Variants in SGMS1 observed in about 807,000 individuals in gnomAD.
SGMS1 encodes the protein phosphatidylcholine:ceramide cholinephosphotransferase 1.
In SGMS1, 13 loss-of-function variants were observed where a neutral mutation model predicts 46.2. That is an observed-to-expected ratio of 0.28 (90% confidence interval 0.18 to 0.45). The LOEUF (loss-of-function observed/expected upper bound fraction) is 0.45, where lower values mean the gene tolerates loss of function less well. Ranked by LOEUF, SGMS1 falls within the 20% of genes least tolerant of loss-of-function variation. The pLI is 1.00. For synonymous variants in SGMS1, 203 were observed against 187.8 expected (o/e 1.08, Z -0.66); for missense variants, 324 against 519.9 (o/e 0.62, Z 3.66).
At chr10:50,472,904 G>A (rs1384916449) in intron 3 of SGMS1, 2 of 152,074 alleles carry the variant, frequency 1.3e-5, no homozygotes, top group Admixed American at 6.6e-5. Context: ...GCAGTTCCCT[G>A]TAATGCCCTT....
At chr10:50,423,621 T>G (rs1281038249) in intron 6 of SGMS1, among the ~76,000 whole-genome samples, 2 of 150,104 alleles carry the variant, frequency 1.3e-5, no homozygotes, top group Non-Finnish European at 3.0e-5. Context: ...GAACTCTTCT[T>G]AGACAAGGTG....
intron 2 of SGMS1, among the ~76,000 whole-genome samples, chr10:50,553,125 C>A (rs1050701302): frequency 6.6e-6 from 1 of 152,186 alleles, no homozygotes; most frequent in African/African-American, 2.4e-5. Context: ...TATGCCGACA[C>A]TAAATATTCT....
chr10:50,544,493 AT>A (rs1376381625), intron 2 of SGMS1, among the ~76,000 whole-genome samples: 1 of 152,188 alleles, frequency 6.6e-6, no homozygotes, highest in Non-Finnish European at 1.5e-5. Context: ...TCTCACTCAG[AT>A]TTTCAGCTGC....
chr10:50,555,787 A>G (rs1838185152), intron 2 of SGMS1, among the ~76,000 whole-genome samples: 2 of 152,228 alleles, frequency 1.3e-5, no homozygotes, highest in East Asian at 1.9e-4. Flanking sequence ...CTTGACCTCA[A>G]ACTAAAATCA....
intron 2 of SGMS1, among the ~76,000 whole-genome samples, chr10:50,541,709 G>C (rs1046127092): frequency 2.0e-5 from 3 of 152,204 alleles, no homozygotes; most frequent in African/African-American, 7.2e-5. Context: ...CCCACTCTGG[G>C]AGATGTTTGG....
chr10:50,312,036 G>A (rs941894351), intron 8 of SGMS1, among the ~76,000 whole-genome samples: 10 of 152,166 alleles, frequency 6.6e-5, no homozygotes, highest in East Asian at 3.9e-4. Flanking sequence ...GCTGGACACC[G>A]GAGTAATAAA....
At chr10:50,487,877 A>C (rs909742972) in intron 3 of SGMS1, among the ~76,000 whole-genome samples, 4 of 152,042 alleles carry the variant, frequency 2.6e-5, no homozygotes, top group African/African-American at 9.7e-5. Flanking sequence ...TTGAAGGCCT[A>C]ATACCCATAC....
intron 2 of SGMS1, among the ~76,000 whole-genome samples, chr10:50,538,991 C>A (rs1250215834): frequency 6.6e-6 from 1 of 152,252 alleles, no homozygotes; most frequent in Non-Finnish European, 1.5e-5. Context: ...CGGTGAGCAG[C>A]ACATCCTACA....
intron 2 of SGMS1, among the ~76,000 whole-genome samples, chr10:50,543,656 A>G (rs1392458693): frequency 6.6e-6 from 1 of 152,236 alleles, no homozygotes; most frequent in East Asian, 1.9e-4. Flanking sequence ...TTGCTTCTGC[A>G]GGAAGTAGAC....
At chr10:50,478,519 A>G (rs1297110521) in intron 3 of SGMS1, among the ~76,000 whole-genome samples, 2 of 152,176 alleles carry the variant, frequency 1.3e-5, no homozygotes, top group Non-Finnish European at 2.9e-5. Flanking sequence ...AAAAAAATAG[A>G]GCCAAATGAT....
At chr10:50,502,667 AAAG>A (rs1453079347) in intron 3 of SGMS1, among the ~76,000 whole-genome samples, 9 of 152,308 alleles carry the variant, frequency 5.9e-5, no homozygotes, top group Admixed American at 2.6e-4. Context: ...ATTAGGGAAA[AAAG>A]AAGAAGAAGA....
At chr10:50,373,069 A>T (rs1484916929) in intron 6 of SGMS1, among the ~76,000 whole-genome samples, 1 of 152,226 alleles carries the variant, frequency 6.6e-6, no homozygotes, top group African/African-American at 2.4e-5. Context: ...TTTCAAAGCT[A>T]TCAAAATCCT....
intron 6 of SGMS1, among the ~76,000 whole-genome samples, chr10:50,382,917 T>C (rs1241826963): frequency 2.0e-5 from 3 of 152,192 alleles, no homozygotes; most frequent in South Asian, 2.1e-4. Context: ...GTTTTCTGCA[T>C]TTTCATGAAA....
At chr10:50,315,005 T>C (rs928686259) in intron 8 of SGMS1, among the ~76,000 whole-genome samples, 2 of 152,206 alleles carry the variant, frequency 1.3e-5, no homozygotes, top group Non-Finnish European at 2.9e-5. Context: ...AGGGACAGTA[T>C]TGGCAAGATG....
At chr10:50,319,161 CAAAAAA>C (rs5784829) in intron 8 of SGMS1, among the ~76,000 whole-genome samples, 1 of 107,852 alleles carries the variant, frequency 9.3e-6, no homozygotes, top group Non-Finnish European at 2.0e-5. Context: ...GATTTGCCAC[CAAAAAA>C]AAAAAAAAAA....
chr10:50,489,681 A>C (rs973852813), intron 3 of SGMS1, among the ~76,000 whole-genome samples: 1 of 152,160 alleles, frequency 6.6e-6, no homozygotes, highest in African/African-American at 2.4e-5. Flanking sequence ...ACTCATTAAA[A>C]AATAAACATG....
intron 2 of SGMS1, among the ~76,000 whole-genome samples, chr10:50,539,093 C>A (rs3011788): frequency 0.17 from 26,465 of 152,244 alleles, 2,990 homozygotes; most frequent in Non-Finnish European, 0.26. Flanking sequence ...CCAGGGAGGG[C>A]AGAACAGTGA....
chr10:50,445,260 C>T (rs1472292858), intron 5 of SGMS1, among the ~76,000 whole-genome samples: 1 of 152,140 alleles, frequency 6.6e-6, no homozygotes, highest in African/African-American at 2.4e-5. Flanking sequence ...TGCTGATGGG[C>T]ATACTGAATT....
chr10:50,368,263 C>T (rs569341254), intron 6 of SGMS1, among the ~76,000 whole-genome samples: 1 of 152,286 alleles, frequency 6.6e-6, no homozygotes, highest in South Asian at 2.1e-4. Flanking sequence ...AATACAAAAG[C>T]TTAAAAATTA....
Sources: allele counts gnomAD v4.1 joint callset (sites outside exome capture counted in the v4.1 genomes callset), GRCh38; gene constraint gnomAD v4.1.1; transcripts MANE v1.5; gene names NCBI Gene and HGNC (gene_info 2026-07-23, HGNC 2026-07-21).